Variants in SH2D4A observed in about 807,000 individuals in gnomAD.
The protein encoded by SH2D4A is SH2 domain-containing protein 4A.
In SH2D4A, 70 loss-of-function variants were observed where a neutral mutation model predicts 64.7. That is an observed-to-expected ratio of 1.08 (90% CI 0.89 to 1.32). The LOEUF (loss-of-function observed/expected upper bound fraction) is 1.32, where lower values mean the gene tolerates loss of function less well. SH2D4A is among the 40% of genes most tolerant of loss of function. The pLI is 0.00. For missense variants in SH2D4A, 706 were observed against 540.1 expected, an observed-to-expected ratio of 1.31 and a Z score of -3.04; for synonymous variants, 268 against 200.7, an observed-to-expected ratio of 1.34 and a Z score of -2.83.
At chr8:19,372,793 T>A (rs76812878) in intron 7 of SH2D4A, among the ~76,000 whole-genome samples, 2,532 of 152,304 alleles carry the variant, frequency 0.017, 78 homozygotes, top group African/African-American at 0.058. Flanking sequence ...CCTGTATCTT[T>A]GTCTTTTCAA....
intron 8 of SH2D4A, among the ~76,000 whole-genome samples, chr8:19,385,769 C>T (rs914791549): frequency 6.6e-6 from 1 of 152,178 alleles, no homozygotes; most frequent in African/African-American, 2.4e-5. Flanking sequence ...CTCATGGAGG[C>T]TTCCCAAAAT....
rs2053571926 is a variant in SH2D4A, at chr8:19,395,383, A to G, written c.*741A>G. On this transcript the variant is annotated 3_prime_UTR_variant, in exon 10 of 10. Transcript: ENST00000265807. ...ATTTTTTATCAGAAGTGCTTAGACA[A>G]GAACAGAATAAGCAGGCTGTTTGGA... The G allele has an allele frequency of 6.6e-6, 1 of 152,232 alleles. No individual in the cohort carries two copies. 9.4% of individuals were successfully genotyped at this position (152,232 alleles called of 1,614,324 possible). A position where few individuals can be genotyped will look rare whatever the true frequency, so the allele number is the denominator to read the frequency against.
At chr8:19,364,782 C>T (rs895281703) in intron 7 of SH2D4A, among the ~76,000 whole-genome samples, 3 of 152,278 alleles carry the variant, frequency 2.0e-5, no homozygotes, top group Admixed American at 6.5e-5. Context: ...TTCTCATTCA[C>T]GGATACATAG....
intron 8 of SH2D4A, among the ~76,000 whole-genome samples, chr8:19,391,778 T>C (rs2053496795): frequency 6.6e-6 from 1 of 152,244 alleles, no homozygotes. Flanking sequence ...GGTTTTATTT[T>C]ACTCTGGAGA....
chr8:19,394,505 T>G (rs1356223315), intron 9 of SH2D4A, 45 bp from the exon 10 acceptor site: 2 of 1,304,336 alleles, frequency 1.5e-6, no homozygotes, highest in Non-Finnish European at 2.1e-6. Flanking sequence ...GAAGAGCATG[T>G]GGTCACTACT....
At chr8:19,344,542 T>C (rs1177505820) in intron 4 of SH2D4A, among the ~76,000 whole-genome samples, 1 of 152,212 alleles carries the variant, frequency 6.6e-6, no homozygotes, top group Admixed American at 6.5e-5. Context: ...TGTGATTAGA[T>C]TGGGCCCACA....
chr8:19,386,272 G>A (rs1315784463), intron 8 of SH2D4A, among the ~76,000 whole-genome samples: 1 of 152,256 alleles, frequency 6.6e-6, no homozygotes, highest in Non-Finnish European at 1.5e-5. Context: ...ATGAAACAAA[G>A]AGGCTAAAAC....
At chr8:19,342,486 G>GTGCT (rs1385220447) in intron 4 of SH2D4A, among the ~76,000 whole-genome samples, 1 of 152,242 alleles carries the variant, frequency 6.6e-6, no homozygotes, top group Non-Finnish European at 1.5e-5. Flanking sequence ...ATTTGCCTTA[G>GTGCT]TGCTGGTCAT....
intron 4 of SH2D4A, among the ~76,000 whole-genome samples, chr8:19,341,823 C>T (rs1464386737): frequency 8.2e-6 from 1 of 121,580 alleles, no homozygotes; most frequent in African/African-American, 3.3e-5. Context: ...GCCCGGGTGA[C>T]AGAGCAAAAC....
rs1286712016 is a variant in SH2D4A, at chr8:19,323,905, G to A, written c.181+4177G>A. On this transcript the variant is annotated intron_variant, in intron 2 of 9. Coordinates refer to ENST00000265807, the MANE Select transcript of SH2D4A (RefSeq NM_022071.4). ...ACAGATGAGGAAAGTCAAGCTCAGGGACGTTCATTAACTTGGCCAGGGCAA... is the reference window on the plus strand; with the variant it reads ...ACAGATGAGGAAAGTCAAGCTCAGGAACGTTCATTAACTTGGCCAGGGCAA... Among the ~76,000 whole-genome samples the A allele has an allele frequency of 3.9e-5, 6 of 152,284 alleles. No individual in the cohort carries two copies. In the South Asian group the frequency reaches 1.2e-3, roughly 32 times the overall value.
chr8:19,343,457 TA>T (rs1210041841), intron 4 of SH2D4A, among the ~76,000 whole-genome samples: 3 of 152,074 alleles, frequency 2.0e-5, no homozygotes, highest in Non-Finnish European at 4.4e-5. Flanking sequence ...TGGGATTTTT[TA>T]AAAACTTGCC....
intron 8 of SH2D4A, among the ~76,000 whole-genome samples, chr8:19,378,719 A>C (rs536292470): frequency 6.6e-6 from 1 of 152,060 alleles, no homozygotes; most frequent in Non-Finnish European, 1.5e-5. Flanking sequence ...AACCGTTTTT[A>C]AGTGTACCAT....
chr8:19,346,376 T>G (rs574065462), intron 4 of SH2D4A, among the ~76,000 whole-genome samples: 1 of 152,212 alleles, frequency 6.6e-6, no homozygotes, highest in Admixed American at 6.5e-5. Context: ...ATGAATCCTC[T>G]TGTGAACTGC....
intron 6 of SH2D4A, chr8:19,363,729 C>G (rs1440663870): frequency 5.9e-6 from 2 of 337,142 alleles, no homozygotes; most frequent in Non-Finnish European, 1.1e-5. Flanking sequence ...GCACCCCTGC[C>G]AGCTTGAACC....
chr8:19,358,514 G>T (rs962964091), intron 5 of SH2D4A, among the ~76,000 whole-genome samples: 2 of 152,152 alleles, frequency 1.3e-5, no homozygotes, highest in Admixed American at 6.5e-5. Flanking sequence ...GAGACCTGAA[G>T]GAAAGAGGGA....
At chr8:19,343,935 A>G (rs1015030711) in intron 4 of SH2D4A, among the ~76,000 whole-genome samples, 12 of 152,172 alleles carry the variant, frequency 7.9e-5, no homozygotes, top group African/African-American at 2.9e-4. Flanking sequence ...GGCCTGGGAG[A>G]AAGGACTCTG....
Position 19,361,299 on chromosome 8 carries a change from GA to G in SH2D4A, c.693del (p.Glu231AspfsTer65). 1 of 1,611,308 alleles carries G rather than the reference GA, an allele frequency of 6.2e-7. No individual in the cohort carries two copies. On this transcript the variant is annotated frameshift_variant, in exon 6 of 10. Coordinates refer to ENST00000265807, the MANE Select transcript of SH2D4A (RefSeq NM_022071.4). LOFTEE classifies it high-confidence loss of function. ...TTGTAAGAGCTGGAAAGAAGACTCGGAATGGCAGGCATCTCGTGAGTACCCA... is the reference window on the plus strand; with the variant it reads ...TTGTAAGAGCTGGAAAGAAGACTCGGATGGCAGGCATCTCGTGAGTACCCA... The part of the protein sequence containing the change: ...QICKSWKEDS[E>X]WQASLRKSKA...
intron 9 of SH2D4A, 24 bp downstream of exon 9, chr8:19,393,565 T>TTGCCTTCTGAGTTACTGTCC (rs1563217392): frequency 6.2e-6 from 10 of 1,610,248 alleles, no homozygotes; most frequent in Non-Finnish European, 7.6e-6. Flanking sequence ...TAAACTTAAT[T>TTGCCTTCTGAGTTACTGTCC]TGCCTTCTGA....
intron 2 of SH2D4A, among the ~76,000 whole-genome samples, chr8:19,327,271 C>T (rs1186444120): frequency 6.6e-6 from 1 of 152,068 alleles, no homozygotes; most frequent in African/African-American, 2.4e-5. Context: ...AAAGAGAAAC[C>T]CTGTAATTAA....
Sources: gnomAD v4.1 joint callset for allele counts (sites outside exome capture counted in the v4.1 genomes callset) on GRCh38, gnomAD v4.1.1 for gene constraint, MANE v1.5 for transcripts, NCBI Gene and HGNC (gene_info 2026-07-23, HGNC 2026-07-21) for gene names.